Variants in LRRK2 observed in about 807,000 individuals in gnomAD.
The protein encoded by LRRK2 is leucine-rich repeat serine/threonine-protein kinase 2.
In LRRK2, 203 loss-of-function variants were observed where a neutral mutation model predicts 302.6. The observed-to-expected ratio is 0.67, with a 90% CI of 0.60 to 0.75. The LOEUF is 0.75. Ranked by LOEUF, LRRK2 falls within the 30% of genes least tolerant of loss-of-function variation. The pLI, the probability that LRRK2 is intolerant of heterozygous loss-of-function variation, is 0.00. For synonymous variants in LRRK2, 1,066 were observed against 1,031.9 expected (o/e 1.03, Z -0.63); for missense variants, 2,830 against 2,951.0 (o/e 0.96, Z 0.95).
At chr12:40,260,295 G>A (rs1185259707) in intron 13 of LRRK2, among the ~76,000 whole-genome samples, 4 of 151,946 alleles carry the variant, frequency 2.6e-5, no homozygotes, top group Non-Finnish European at 2.9e-5. Context: ...AACAGGCAGC[G>A]TGAGAGAGGC....
chr12:40,322,893 T>A (rs1945445112), intron 37 of LRRK2, among the ~76,000 whole-genome samples: 1 of 152,094 alleles, frequency 6.6e-6, no homozygotes, highest in African/African-American at 2.4e-5. Flanking sequence ...AGAGAGTAGA[T>A]AACTTTCTAG....
intron 14 of LRRK2, among the ~76,000 whole-genome samples, chr12:40,264,315 AC>A: frequency 6.6e-6 from 1 of 152,164 alleles, no homozygotes; most frequent in Non-Finnish European, 1.5e-5. Context: ...ATGAAGACAT[AC>A]CAGTGTTAAC....
At chr12:40,338,107 A>G (rs192326723) in intron 40 of LRRK2, among the ~76,000 whole-genome samples, 1 of 152,304 alleles carries the variant, frequency 6.6e-6, no homozygotes, top group East Asian at 1.9e-4. Flanking sequence ...TTGAAAGCTT[A>G]CAGTCTAGTA....
intron 41 of LRRK2, among the ~76,000 whole-genome samples, chr12:40,343,793 G>T (rs1282437261): frequency 6.6e-6 from 1 of 151,922 alleles, no homozygotes; most frequent in African/African-American, 2.4e-5. Flanking sequence ...CATTTACTAA[G>T]CATCAAACTG....
intron 23 of LRRK2, among the ~76,000 whole-genome samples, chr12:40,296,022 A>T (rs1348188579): frequency 2.0e-5 from 3 of 152,214 alleles, no homozygotes; most frequent in African/African-American, 7.2e-5. Context: ...CTCAGCTACC[A>T]ACTGTGTGAC....
intron 5 of LRRK2, among the ~76,000 whole-genome samples, chr12:40,240,070 C>T (rs1941658252): frequency 6.6e-6 from 1 of 152,158 alleles, no homozygotes; most frequent in African/African-American, 2.4e-5. Context: ...TGAACTGAAA[C>T]ATTTAGCCGA....
intron 20 of LRRK2, among the ~76,000 whole-genome samples, chr12:40,289,107 G>A (rs1450304433): frequency 6.6e-6 from 1 of 151,736 alleles, no homozygotes; most frequent in East Asian, 1.9e-4. Context: ...ATGAAGAGTT[G>A]ACATTTATTT....
chr12:40,364,602 A>T (rs1156711748), intron 48 of LRRK2, among the ~76,000 whole-genome samples: 1 of 151,524 alleles, frequency 6.6e-6, no homozygotes, highest in Non-Finnish European at 1.5e-5. Context: ...TATCCCTCTT[A>T]TTCATAATTT....
chr12:40,262,680 T>C (rs1942828077), intron 13 of LRRK2, among the ~76,000 whole-genome samples: 2 of 152,120 alleles, frequency 1.3e-5, no homozygotes, highest in Admixed American at 1.3e-4. Context: ...GGAGAAGAAA[T>C]TTACAGGAAT....
rs77136058 is a variant in LRRK2, at chr12:40,290,239, T to C, written c.2689+2700T>C. ...AAATACACTGACTGATTTTCTAATG[T>C]TAAACCAACTTGCATTCCTGGAGTA... On this transcript the variant is annotated intron_variant, in intron 20 of 50. Coordinates refer to ENST00000298910, the MANE Select transcript of LRRK2 (RefSeq NM_198578.4). 3.6e-3 allele frequency among the ~76,000 whole-genome samples: 548 copies of C among 152,174 alleles called. 3 individuals carry two copies. The highest frequency in any genetic ancestry group is 0.013 in the African/African-American group (529 of 41,558).
At chr12:40,258,375 G>A (rs1302293211) in intron 12 of LRRK2, among the ~76,000 whole-genome samples, 1 of 152,056 alleles carries the variant, frequency 6.6e-6, no homozygotes, top group Non-Finnish European at 1.5e-5. Flanking sequence ...TTATTTAAGT[G>A]TTGTTTTTGA....
intron 5 of LRRK2, 28 bp from the exon 6 acceptor site, chr12:40,240,455 A>G: frequency 6.2e-7 from 1 of 1,601,746 alleles, no homozygotes; most frequent in Non-Finnish European, 8.5e-7. Flanking sequence ...CTTTAAGCTT[A>G]TTCAGTATTT....
Position 40,255,801 on chromosome 12 carries a change from C to T in LRRK2, c.1289-1447C>T, listed in dbSNP as rs905852432. On this transcript the variant is annotated intron_variant, in intron 11 of 50. Coordinates refer to ENST00000298910, the MANE Select transcript of LRRK2 (RefSeq NM_198578.4). ...CTAGCCACTTTGGGAAAGGTTATTA[C>T]AACTTCTGATGTGATCAAGCAAAGT... 5.1e-4 allele frequency among the ~76,000 whole-genome samples: 77 copies of T among 152,118 alleles called. 3 individuals carry two copies.
At chr12:40,240,699 T>G in intron 6 of LRRK2, 82 bp downstream of exon 6, 1 of 1,354,568 alleles carries the variant, frequency 7.4e-7, no homozygotes, top group African/African-American at 1.5e-5. Context: ...TTAACAATAT[T>G]TTTATTATTT....
intron 41 of LRRK2, among the ~76,000 whole-genome samples, chr12:40,341,233 T>G (rs941608365): frequency 5.9e-5 from 9 of 152,202 alleles, no homozygotes; most frequent in African/African-American, 2.2e-4. Flanking sequence ...TATAGTTAGT[T>G]ATTTGTAAGT....
chr12:40,320,655 T>A (rs1300517874), intron 34 of LRRK2, among the ~76,000 whole-genome samples: 2 of 152,104 alleles, frequency 1.3e-5, no homozygotes, highest in East Asian at 3.8e-4. Context: ...AGTAATATGA[T>A]GTTGAAATGT....
chr12:40,291,319 A>G (rs1031888391), intron 20 of LRRK2, among the ~76,000 whole-genome samples: 2 of 151,826 alleles, frequency 1.3e-5, no homozygotes, highest in Admixed American at 6.6e-5. Context: ...TAGGAGATAC[A>G]CCTAATGTAA....
At chr12:40,295,258 T>C (rs1262267824) in intron 22 of LRRK2, among the ~76,000 whole-genome samples, 169 bp from the exon 23 acceptor site, 2 of 152,170 alleles carry the variant, frequency 1.3e-5, no homozygotes, top group African/African-American at 4.8e-5. Flanking sequence ...ATGCTTTTTA[T>C]TTACTGTTCA....
chr12:40,310,369 A>C (rs1223537295), intron 30 of LRRK2, 62 bp from the exon 31 acceptor site: 1 of 1,476,728 alleles, frequency 6.8e-7, no homozygotes, highest in African/African-American at 1.4e-5. Flanking sequence ...AAATATCAAC[A>C]GGAATGTGAG....
Sources: allele counts gnomAD v4.1 joint callset (sites outside exome capture counted in the v4.1 genomes callset), GRCh38; gene constraint gnomAD v4.1.1; transcripts MANE v1.5; gene names NCBI Gene and HGNC (gene_info 2026-07-23, HGNC 2026-07-21).